Variants in RNF220 observed in about 807,000 individuals in gnomAD.
RNF220 encodes the protein E3 ubiquitin-protein ligase RNF220.
A neutral mutation model predicts 67.1 loss-of-function variants in RNF220; 7 were observed. The observed-to-expected ratio is 0.10, with a 90% CI of 0.06 to 0.20. The LOEUF (loss-of-function observed/expected upper bound fraction) is 0.20. RNF220 is among the 10% of genes least tolerant of loss of function. RNF220 has a pLI of 1.00. For synonymous variants in RNF220, 270 were observed against 283.2 expected (o/e 0.95, Z 0.47); for missense variants, 565 against 740.3 (o/e 0.76, Z 2.75).
intron 2 of RNF220, among the ~76,000 whole-genome samples, chr1:44,583,828 G>A (rs560751690): frequency 3.9e-5 from 6 of 152,274 alleles, no homozygotes; most frequent in South Asian, 4.1e-4. Context: ...GGCCTGGCAC[G>A]CAGTCTAATT....
At chr1:44,410,033 T>TG (rs1278360706) in intron 1 of RNF220, among the ~76,000 whole-genome samples, 1 of 152,204 alleles carries the variant, frequency 6.6e-6, no homozygotes, top group African/African-American at 2.4e-5. Flanking sequence ...CAGGGTTGAG[T>TG]GATTCACCAG....
In RNF220 at chr1:44,498,951, A is replaced by G. The variant is rs111927800; in HGVS notation, c.625+86229A>G. 6.2e-3 allele frequency among the ~76,000 whole-genome samples: 938 copies of G among 152,250 alleles called. 13 individuals carry two copies. The highest frequency in any genetic ancestry group is 0.021 in the African/African-American group (893 of 41,536). ...TCCCACCTCAGTCACAGACTCTGAT[A>G]TTCATCCCGAAATCTTGTCATTACC... is the stretch of plus-strand genomic sequence containing the variant. On this transcript the variant is annotated intron_variant, in intron 2 of 14. Coordinates refer to ENST00000361799, the MANE Select transcript of RNF220 (RefSeq NM_018150.4).
chr1:44,540,832 A>G (rs1448114409), intron 2 of RNF220, among the ~76,000 whole-genome samples: 2 of 152,166 alleles, frequency 1.3e-5, no homozygotes, highest in South Asian at 2.1e-4. Flanking sequence ...AGAAGGGACC[A>G]AGAAAGACCA....
intron 2 of RNF220, among the ~76,000 whole-genome samples, chr1:44,452,211 A>C: frequency 6.6e-6 from 1 of 152,164 alleles, no homozygotes; most frequent in East Asian, 1.9e-4. Context: ...ATTTGTGTGC[A>C]AACACCACAC....
rs773670881 is a variant in RNF220 at position 44,650,017 on chromosome 1, T to C, written c.1629+60T>C. 16 of 1,542,010 alleles carry C rather than the reference T, an allele frequency of 1.0e-5. No homozygotes were observed. The highest frequency in any genetic ancestry group is 1.4e-5 in the Non-Finnish European group (16 of 1,125,722). The stretch of plus-strand genomic sequence containing the variant: ...GCTCCGGGCACTGCCCAGATGTCTG[T>C]GCTTATGCCTGAGCCTGCCTGGGGG... On this transcript the variant is annotated intron_variant, in intron 14 of 14. Transcript: ENST00000361799. This position sits in a 1 kb window ranked among gnomAD's most constrained non-coding sequence, Gnocchi z 4.3.
chr1:44,594,327 C>G (rs1338959982), intron 2 of RNF220, among the ~76,000 whole-genome samples: 2 of 152,150 alleles, frequency 1.3e-5, no homozygotes, highest in Admixed American at 6.5e-5. Flanking sequence ...CATCCTACCC[C>G]CTTCACCTGC....
chr1:44,491,527 T>C lies in RNF220; in HGVS notation c.625+78805T>C, dbSNP rs567484585. 1.2e-4 allele frequency among the ~76,000 whole-genome samples: 19 copies of C among 152,130 alleles called. No individual in the cohort carries two copies. In the South Asian group the frequency reaches 3.9e-3, roughly 32 times the overall value. ...CATCTCAATAGATGCAAAAAAACCA[T>C]TTCACAAAATTCAGCACCACTTCAT... On this transcript the variant is annotated intron_variant, in intron 2 of 14. Transcript: ENST00000361799.
At chr1:44,470,621 G>A (rs78566157) in intron 2 of RNF220, among the ~76,000 whole-genome samples, 2,203 of 152,166 alleles carry the variant, frequency 0.014, 27 homozygotes, top group Middle Eastern at 0.037. Context: ...CACATTTGTA[G>A]TTTCTTGGCC....
intron 1 of RNF220, among the ~76,000 whole-genome samples, chr1:44,410,151 G>GA (rs2147798923): frequency 6.6e-6 from 1 of 151,700 alleles, no homozygotes; most frequent in African/African-American, 2.4e-5. Flanking sequence ...CCTGGGGGGG[G>GA]TCGTATTTTG....
intron 2 of RNF220, among the ~76,000 whole-genome samples, chr1:44,551,036 A>G (rs1051130152): frequency 7.9e-5 from 12 of 151,666 alleles, no homozygotes; most frequent in Admixed American, 2.6e-4. Context: ...TCTTCCCCCT[A>G]AACCCTGCCA....
intron 2 of RNF220, among the ~76,000 whole-genome samples, chr1:44,553,180 C>T (rs1157719114): frequency 2.3e-5 from 3 of 130,338 alleles, no homozygotes; most frequent in African/African-American, 8.1e-5. Flanking sequence ...TGTATTTCCA[C>T]AGCACTCCTC....
chr1:44,636,019 G>A lies in RNF220; in HGVS notation c.994-11G>A, dbSNP rs752395059. On this transcript the variant is annotated splice_polypyrimidine_tract_variant and intron_variant, in intron 7 of 14. Transcript: ENST00000361799. The stretch of plus-strand genomic sequence containing the variant: ...CCTGGGCCCAGCATGATCCTGCTCT[G>A]CTCTTCACAGAGGGAAGGCTCCTGC... 9.3e-6 allele frequency: 15 copies of A among 1,614,232 alleles called. No individual in the cohort carries two copies. The highest frequency in any genetic ancestry group is 1.2e-5 in the Non-Finnish European group (14 of 1,180,030).
rs1395691235 is a variant in RNF220, at chr1:44,614,345, G to A, written c.758+48G>A. The A allele has an allele frequency of 3.1e-6, 5 of 1,596,364 alleles. No homozygotes were observed. The Admixed American group carries it at 8.5e-5, about 27-fold the overall frequency. On this transcript the variant is annotated intron_variant, in intron 3 of 14. Coordinates refer to ENST00000361799, the MANE Select transcript of RNF220 (RefSeq NM_018150.4). ...TGCCTGCTGGAGGAGTCCACTCAGGGTTCTGGCCACCGGATCCCAGAAGCA... is the reference window on the plus strand; with the variant it reads ...TGCCTGCTGGAGGAGTCCACTCAGGATTCTGGCCACCGGATCCCAGAAGCA...
At chr1:44,407,547 T>A (rs1647475334) in intron 1 of RNF220, among the ~76,000 whole-genome samples, 1 of 151,834 alleles carries the variant, frequency 6.6e-6, no homozygotes, top group Non-Finnish European at 1.5e-5. Flanking sequence ...GAGGCAAGGC[T>A]GGGGAAGGCC....
At chr1:44,536,941 C>A (rs1156917946) in intron 2 of RNF220, among the ~76,000 whole-genome samples, 1 of 152,120 alleles carries the variant, frequency 6.6e-6, no homozygotes, top group African/African-American at 2.4e-5. Context: ...ACAGTCCAGG[C>A]CCCTCGCTCC....
intron 2 of RNF220, among the ~76,000 whole-genome samples, chr1:44,612,986 A>G (rs1200645179): frequency 6.6e-6 from 1 of 152,236 alleles, no homozygotes; most frequent in East Asian, 1.9e-4. Context: ...ATATGCAGGG[A>G]TGTTTCTAGA....
At chr1:44,501,704 A>G (rs974711434) in intron 2 of RNF220, among the ~76,000 whole-genome samples, 1 of 152,072 alleles carries the variant, frequency 6.6e-6, no homozygotes, top group Non-Finnish European at 1.5e-5. Flanking sequence ...ACCCAAGCAC[A>G]GCGGCGGCGG....
chr1:44,563,734 T>G (rs574776296), intron 2 of RNF220, among the ~76,000 whole-genome samples: 3 of 152,196 alleles, frequency 2.0e-5, no homozygotes, highest in Admixed American at 2.0e-4. Context: ...TTCAAAAGGT[T>G]GTTGTACTCC....
At chr1:44,473,809 G>T (rs1222262236) in intron 2 of RNF220, among the ~76,000 whole-genome samples, 3 of 152,104 alleles carry the variant, frequency 2.0e-5, no homozygotes, top group African/African-American at 7.2e-5. Flanking sequence ...TGTATATCCT[G>T]TATAAAACAT....
Sources: gnomAD v4.1 joint callset for allele counts (sites outside exome capture counted in the v4.1 genomes callset) on GRCh38, gnomAD v4.1.1 for gene constraint, Gnocchi (gnomAD v3.1) non-coding constraint, MANE v1.5 for transcripts, NCBI Gene and HGNC (gene_info 2026-07-23, HGNC 2026-07-21) for gene names.